The following ATP8B1 variants were observed in gnomAD, a reference collection of about 807,000 sequenced individuals.
The protein encoded by ATP8B1 is phospholipid-transporting ATPase IC.
A neutral mutation model predicts 149.9 loss-of-function variants in ATP8B1; 80 were observed. The ratio of observed to expected loss-of-function variants is 0.53; its 90% CI spans 0.45 to 0.64. ATP8B1 has a LOEUF of 0.64. Ranked by LOEUF, ATP8B1 falls within the 30% of genes least tolerant of loss-of-function variation. The pLI, the probability that ATP8B1 is intolerant of heterozygous loss-of-function variation, is 0.00. For missense variants in ATP8B1, 1,247 were observed against 1,552.6 expected (o/e 0.80, Z 3.31); for synonymous variants, 536 against 562.8 (o/e 0.95, Z 0.67).
intron 17 of ATP8B1, 91 bp from the exon 18 acceptor site, chr18:57,669,573 T>C: frequency 3.4e-6 from 4 of 1,174,112 alleles, no homozygotes; most frequent in Non-Finnish European, 4.9e-6. Context: ...TTTGAAGTAA[T>C]ATACTAACAG....
intron 1 of ATP8B1, among the ~76,000 whole-genome samples, chr18:57,797,356 G>T (rs1457601742): frequency 6.6e-6 from 1 of 152,180 alleles, no homozygotes; most frequent in African/African-American, 2.4e-5. Context: ...CAAAGGTCAG[G>T]CTCCACAGTA....
chr18:57,766,912 C>T (rs1300432537), intron 1 of ATP8B1, among the ~76,000 whole-genome samples: 2 of 152,126 alleles, frequency 1.3e-5, no homozygotes, highest in Non-Finnish European at 2.9e-5. Flanking sequence ...ACCTACAGGA[C>T]ATGTAGGAGT....
intron 1 of ATP8B1, among the ~76,000 whole-genome samples, chr18:57,742,260 TCTAAGATCTG>T: frequency 6.6e-6 from 1 of 152,282 alleles, no homozygotes. Context: ...ATAAAATGTA[TCTAAGATCTG>T]CATTAAATTT....
At chr18:57,721,659 C>T (rs2079647423) in intron 2 of ATP8B1, among the ~76,000 whole-genome samples, 1 of 143,088 alleles carries the variant, frequency 7.0e-6, no homozygotes, top group Admixed American at 7.1e-5. Context: ...GAGACTTTAA[C>T]ACCCCACTGT....
At chr18:57,694,141 T>C (rs900654537) in intron 11 of ATP8B1, among the ~76,000 whole-genome samples, 2 of 152,180 alleles carry the variant, frequency 1.3e-5, no homozygotes, top group African/African-American at 4.8e-5. Flanking sequence ...CGACATACTT[T>C]ATTTTTAGCC....
At chr18:57,667,344 C>T (rs775650535) in intron 19 of ATP8B1, 177 bp from the exon 20 acceptor site, 34 of 603,868 alleles carry the variant, frequency 5.6e-5, no homozygotes, top group Non-Finnish European at 8.2e-5. Context: ...CAGCACCACC[C>T]GCAGCCCCCA....
intron 1 of ATP8B1, 81 bp from the exon 2 acceptor site, chr18:57,731,913 GC>G: frequency 1.6e-6 from 2 of 1,245,354 alleles, no homozygotes; most frequent in East Asian, 2.3e-5. Flanking sequence ...CTGCTACAAT[GC>G]CCCTTTTACA....
chr18:57,672,796 G>C (rs1262941152), intron 16 of ATP8B1, among the ~76,000 whole-genome samples: 4 of 145,690 alleles, frequency 2.7e-5, no homozygotes, highest in Non-Finnish European at 6.0e-5. Context: ...AACCAGGGAG[G>C]TAGAGGTTGC....
At chr18:57,729,633 C>G (rs1360982914) in intron 2 of ATP8B1, among the ~76,000 whole-genome samples, 1 of 150,294 alleles carries the variant, frequency 6.7e-6, no homozygotes, top group African/African-American at 2.5e-5. Flanking sequence ...TCACTGCCAC[C>G]TCTGCCTGCC....
intron 1 of ATP8B1, among the ~76,000 whole-genome samples, chr18:57,733,541 C>T (rs929054007): frequency 2.7e-4 from 41 of 151,948 alleles, no homozygotes; most frequent in African/African-American, 9.7e-4. Flanking sequence ...CCCGTTTCTA[C>T]TAAAAATATA....
chr18:57,776,337 C>T (rs757048277), intron 1 of ATP8B1, among the ~76,000 whole-genome samples: 3 of 152,248 alleles, frequency 2.0e-5, no homozygotes, highest in Non-Finnish European at 2.9e-5. Flanking sequence ...AGTACCACCT[C>T]GCATTCATGT....
At chr18:57,731,899 C>T (rs1349050359) in intron 1 of ATP8B1, 67 bp from the exon 2 acceptor site, 65 of 1,357,274 alleles carry the variant, frequency 4.8e-5, no homozygotes, top group Non-Finnish European at 6.4e-5. Context: ...ATACTGCCTG[C>T]ATGCTGCTAC....
chr18:57,731,905 G>T, intron 1 of ATP8B1, 73 bp from the exon 2 acceptor site: 2 of 1,298,184 alleles, frequency 1.5e-6, no homozygotes, highest in Non-Finnish European at 2.2e-6. Context: ...CCTGCATGCT[G>T]CTACAATGCC....
At chr18:57,751,688 A>C (rs555677800) in intron 1 of ATP8B1, among the ~76,000 whole-genome samples, 11 of 152,254 alleles carry the variant, frequency 7.2e-5, no homozygotes, top group Non-Finnish European at 1.3e-4. Flanking sequence ...GAGAGGCTCT[A>C]TCTGCTCTGA....
At chr18:57,751,942 A>T in intron 1 of ATP8B1, among the ~76,000 whole-genome samples, 1 of 152,180 alleles carries the variant, frequency 6.6e-6, no homozygotes, top group East Asian at 1.9e-4. Context: ...ATGGTGGCTC[A>T]TGCCTATAAT....
intron 1 of ATP8B1, among the ~76,000 whole-genome samples, chr18:57,788,375 G>A (rs570574682): frequency 1.4e-4 from 21 of 152,228 alleles, no homozygotes; most frequent in Non-Finnish European, 2.4e-4. Flanking sequence ...CCAACATGGT[G>A]AAACCCCATC....
chr18:57,760,368 A>G (rs2080137077), intron 1 of ATP8B1, among the ~76,000 whole-genome samples: 1 of 152,218 alleles, frequency 6.6e-6, no homozygotes, highest in South Asian at 2.1e-4. Flanking sequence ...CAGCAGAGGG[A>G]AAGGGCCTGT....
At chr18:57,683,986 G>T in intron 15 of ATP8B1, 50 bp downstream of exon 15, 1 of 1,611,908 alleles carries the variant, frequency 6.2e-7, no homozygotes, top group Middle Eastern at 1.7e-4. Flanking sequence ...GAGTTACCTG[G>T]AAACAAAAAA....
chr18:57,692,452 T>C (rs1912583614), intron 11 of ATP8B1, among the ~76,000 whole-genome samples: 1 of 126,898 alleles, frequency 7.9e-6, no homozygotes, highest in Admixed American at 8.2e-5. Flanking sequence ...TTTTTTTTTT[T>C]TTAGACAGCG....
Sources: allele counts gnomAD v4.1 joint callset (sites outside exome capture counted in the v4.1 genomes callset), GRCh38; gene constraint gnomAD v4.1.1; transcripts MANE v1.5; gene names NCBI Gene and HGNC (gene_info 2026-07-23, HGNC 2026-07-21).